The following ZNF438 variants were observed in gnomAD, a reference collection of about 807,000 sequenced individuals.
ZNF438 encodes zinc finger protein 438.
In ZNF438, 25 loss-of-function variants were observed where a neutral mutation model predicts 38.0. The ratio of observed to expected loss-of-function variants is 0.66; its 90% confidence interval spans 0.48 to 0.92. The LOEUF (loss-of-function observed/expected upper bound fraction) is 0.92. Ranked by LOEUF, ZNF438 falls within the 40% of genes least tolerant of loss-of-function variation. The probability of loss-of-function intolerance (pLI) is 0.00; values close to 1 mark genes in which losing one functional copy is unlikely to be tolerated. For missense variants in ZNF438, 1,007 were observed against 999.6 expected, an observed-to-expected ratio of 1.01 and a Z score of -0.10; for synonymous variants, 372 against 364.1, an observed-to-expected ratio of 1.02 and a Z score of -0.25.
At chr10:30,920,040 T>G (rs1211382997) in intron 2 of ZNF438, 1 of 152,262 alleles carries the variant, frequency 6.6e-6, no homozygotes, top group Non-Finnish European at 1.5e-5. Flanking sequence ...AACACTTTCT[T>G]TTCCATTTTC....
chr10:30,948,624 G>A (rs1564710205), intron 1 of ZNF438, among the ~76,000 whole-genome samples: 1 of 150,750 alleles, frequency 6.6e-6, no homozygotes, highest in Non-Finnish European at 1.5e-5. Flanking sequence ...AGGAGCCGAT[G>A]CGATCAACTG....
chr10:31,001,264 T>A (rs925070670), intron 1 of ZNF438, among the ~76,000 whole-genome samples: 2 of 152,234 alleles, frequency 1.3e-5, no homozygotes, highest in African/African-American at 4.8e-5. Context: ...TTAAAAGCTG[T>A]AGAACTCATC....
At chr10:30,956,360 C>G (rs1425870022) in intron 1 of ZNF438, among the ~76,000 whole-genome samples, 2 of 152,150 alleles carry the variant, frequency 1.3e-5, no homozygotes, top group Non-Finnish European at 2.9e-5. Context: ...ATTTTTGACA[C>G]ATAATAATTG....
intron 2 of ZNF438, among the ~76,000 whole-genome samples, chr10:30,909,273 A>G (rs2042861798): frequency 6.6e-6 from 1 of 152,166 alleles, no homozygotes; most frequent in Non-Finnish European, 1.5e-5. Context: ...AAGTTACAAA[A>G]CCAAAGAAAT....
chr10:30,875,618 G>C, intron 4 of ZNF438: 6 of 966,392 alleles, frequency 6.2e-6, no homozygotes, highest in Non-Finnish European at 7.4e-6. Context: ...GAACACTCAA[G>C]AAAAACACAT....
intron 5 of ZNF438, among the ~76,000 whole-genome samples, chr10:30,847,110 A>C (rs1479614414): frequency 6.6e-6 from 1 of 152,208 alleles, no homozygotes; most frequent in African/African-American, 2.4e-5. Context: ...AGCAGGGAGC[A>C]AAGAAGCTCC....
chr10:30,853,532 C>T (rs2034078800), intron 4 of ZNF438, among the ~76,000 whole-genome samples: 1 of 152,198 alleles, frequency 6.6e-6, no homozygotes. Flanking sequence ...TCCCGCCCAC[C>T]CAAGACACTC....
chr10:31,023,457 C>G (rs1311477876), intron 1 of ZNF438, among the ~76,000 whole-genome samples: 1 of 152,162 alleles, frequency 6.6e-6, no homozygotes, highest in Admixed American at 6.5e-5. Context: ...TTGAGGCAGC[C>G]TGGGTTCCAA....
chr10:30,891,224 CTCTT>C (rs1392065207), intron 3 of ZNF438, among the ~76,000 whole-genome samples: 1 of 152,052 alleles, frequency 6.6e-6, no homozygotes, highest in East Asian at 2.0e-4. Flanking sequence ...TTGCTCTGCT[CTCTT>C]TTTTTCCCCC....
intron 1 of ZNF438, among the ~76,000 whole-genome samples, 169 bp from the exon 3 acceptor site, chr10:30,941,820 AAGCTGT>A: frequency 6.6e-6 from 1 of 152,336 alleles, no homozygotes; most frequent in African/African-American, 2.4e-5. Flanking sequence ...TAAAAATCTC[AAGCTGT>A]GCTCAAAGAC....
chr10:30,878,883 C>T (rs1019694319), intron 3 of ZNF438, among the ~76,000 whole-genome samples: 3 of 152,138 alleles, frequency 2.0e-5, no homozygotes, highest in Admixed American at 6.5e-5. Context: ...AGGGCACCCC[C>T]ATTGCAAATC....
At chr10:30,991,953 C>T (rs1459396178) in intron 1 of ZNF438, among the ~76,000 whole-genome samples, 2 of 152,180 alleles carry the variant, frequency 1.3e-5, no homozygotes, top group Non-Finnish European at 2.9e-5. Context: ...AAGATCAACT[C>T]CTAGGAAGCC....
At chr10:30,998,719 A>C (rs1049894372) in intron 1 of ZNF438, among the ~76,000 whole-genome samples, 3 of 152,094 alleles carry the variant, frequency 2.0e-5, no homozygotes, top group African/African-American at 7.2e-5. Flanking sequence ...ATTTGACTTC[A>C]ATAGTGAAAA....
intron 4 of ZNF438, among the ~76,000 whole-genome samples, chr10:30,871,326 T>TA (rs888059894): frequency 2.7e-5 from 4 of 150,838 alleles, no homozygotes; most frequent in South Asian, 2.1e-4. Flanking sequence ...GGTGTTTCAT[T>TA]AAAAAAAAAG....
chr10:30,928,561 C>CAA (rs574963145), intron 2 of ZNF438, among the ~76,000 whole-genome samples: 14,080 of 109,336 alleles, frequency 0.13, 747 homozygotes, highest in South Asian at 0.17. Flanking sequence ...AACGTTTGGA[C>CAA]AAAAAAAAAA....
At chr10:31,018,396 T>C (rs1434759527) in intron 1 of ZNF438, among the ~76,000 whole-genome samples, 1 of 152,244 alleles carries the variant, frequency 6.6e-6, no homozygotes, top group East Asian at 1.9e-4. Flanking sequence ...ATTAACAGTC[T>C]GATTCTTTCT....
At chr10:30,872,425 CAAA>C (rs566401687) in intron 4 of ZNF438, among the ~76,000 whole-genome samples, 29 of 58,672 alleles carry the variant, frequency 4.9e-4, no homozygotes, top group East Asian at 1.2e-3. Context: ...GACTCTGTCT[CAAA>C]AAAAAAAAAA....
chr10:30,901,143 A>G (rs1483457128), intron 3 of ZNF438, among the ~76,000 whole-genome samples: 1 of 152,220 alleles, frequency 6.6e-6, no homozygotes, highest in African/African-American at 2.4e-5. Flanking sequence ...TATAACAGTT[A>G]TAACTGAAAT....
At chr10:30,928,982 T>C (rs1427793012) in intron 2 of ZNF438, among the ~76,000 whole-genome samples, 1 of 152,192 alleles carries the variant, frequency 6.6e-6, no homozygotes, top group Non-Finnish European at 1.5e-5. Context: ...TACTGTATCA[T>C]ATGCTTTCTG....
Sources: allele counts gnomAD v4.1 joint callset (sites outside exome capture counted in the v4.1 genomes callset), GRCh38; gene constraint gnomAD v4.1.1; transcripts MANE v1.5; gene names NCBI Gene and HGNC (gene_info 2026-07-23, HGNC 2026-07-21).